Variants in TMC1 observed in about 807,000 individuals in gnomAD.
TMC1 encodes the protein transmembrane channel like 1, also known as transmembrane channel-like protein 1.
Under a neutral mutation model 105.8 loss-of-function variants are expected in TMC1, and 84 were observed. The observed-to-expected ratio is 0.79, with a 90% CI of 0.67 to 0.95. The LOEUF (loss-of-function observed/expected upper bound fraction) is 0.95. Among genes scored for constraint, TMC1 ranks in the 40% least tolerant of loss-of-function variants. TMC1 has a pLI of 0.00. For synonymous variants in TMC1, 315 were observed against 311.5 expected, an observed-to-expected ratio of 1.01 and a Z score of -0.12; for missense variants, 817 against 914.1, an observed-to-expected ratio of 0.89 and a Z score of 1.37.
chr9:72,709,986 C>G (rs1432632938), intron 8 of TMC1, among the ~76,000 whole-genome samples: 1 of 152,080 alleles, frequency 6.6e-6, no homozygotes, highest in Non-Finnish European at 1.5e-5. Flanking sequence ...TTGGTGTAGG[C>G]ATTTAATGCT....
At chr9:72,573,179 T>C (rs1424172826) in intron 1 of TMC1, among the ~76,000 whole-genome samples, 1 of 152,192 alleles carries the variant, frequency 6.6e-6, no homozygotes, top group Non-Finnish European at 1.5e-5. Flanking sequence ...GATATGTGCC[T>C]GGTCATAACC....
chr9:72,627,444 T>C (rs1825367497), intron 3 of TMC1, among the ~76,000 whole-genome samples: 1 of 152,102 alleles, frequency 6.6e-6, no homozygotes, highest in African/African-American at 2.4e-5. Flanking sequence ...CACAAGTAGA[T>C]CCCACTGCAG....
rs772213890 is a variant in TMC1, at chr9:72,772,550, C to T, written c.879C>T (p.Leu293=). ...MCIGYSFLVV[L]KAMTKNIGDD... ...TTGGATACAGCTTTCTGGTTGTCCT[C>T]AAAGCGTAAGTTTCATTTGTCTTTT... Residue 293 remains leucine, a synonymous_variant, in exon 13 of 24, where the codon CTC becomes CTT. Transcript: ENST00000297784. The T allele has an allele frequency of 1.9e-6, 3 of 1,613,750 alleles. No homozygotes were observed. In the South Asian group the frequency reaches 3.3e-5, roughly 18 times the overall value.
At chr9:72,814,972 A>G (rs374354082) in intron 18 of TMC1, among the ~76,000 whole-genome samples, 57 of 136,316 alleles carry the variant, frequency 4.2e-4, no homozygotes, top group African/African-American at 1.6e-3. Context: ...TTATGGGGAT[A>G]TGTGTGGTCT....
chr9:72,596,928 C>T (rs1335674466), intron 2 of TMC1, among the ~76,000 whole-genome samples: 1 of 152,192 alleles, frequency 6.6e-6, no homozygotes, highest in Non-Finnish European at 1.5e-5. Context: ...TAAGTATGTA[C>T]CATGAAACCT....
chr9:72,763,136 A>C, intron 12 of TMC1, among the ~76,000 whole-genome samples: 1 of 124,692 alleles, frequency 8.0e-6, no homozygotes, highest in Non-Finnish European at 1.6e-5. Context: ...AGTTTTCATC[A>C]CCTCCCTCAG....
At chr9:72,567,028 G>A (rs975163882) in intron 1 of TMC1, among the ~76,000 whole-genome samples, 5 of 152,150 alleles carry the variant, frequency 3.3e-5, no homozygotes, top group African/African-American at 1.2e-4. Flanking sequence ...TAGTGTGGGG[G>A]CAGATGTTCC....
chr9:72,737,461 G>A (rs1827319306), intron 8 of TMC1, among the ~76,000 whole-genome samples: 1 of 152,106 alleles, frequency 6.6e-6, no homozygotes, highest in Admixed American at 6.6e-5. Flanking sequence ...CCTATTAAAA[G>A]CCACACAGTT....
At chr9:72,805,898 A>T (rs1055677415) in intron 18 of TMC1, among the ~76,000 whole-genome samples, 1 of 152,216 alleles carries the variant, frequency 6.6e-6, no homozygotes, top group Non-Finnish European at 1.5e-5. Flanking sequence ...CGGCAGAAGA[A>T]GTTTTCTTAG....
chr9:72,554,444 C>T (rs1212306715), intron 1 of TMC1, among the ~76,000 whole-genome samples: 3 of 152,058 alleles, frequency 2.0e-5, no homozygotes, highest in Non-Finnish European at 2.9e-5. Flanking sequence ...GGTTATTTCT[C>T]GTCAAAAGAC....
intron 13 of TMC1, among the ~76,000 whole-genome samples, chr9:72,786,230 G>C (rs1432177053): frequency 6.6e-6 from 1 of 152,150 alleles, no homozygotes; most frequent in African/African-American, 2.4e-5. Context: ...TGGATCACGA[G>C]GCAGAATATC....
chr9:72,549,305 C>T (rs1050122384), intron 1 of TMC1, among the ~76,000 whole-genome samples: 3 of 152,106 alleles, frequency 2.0e-5, no homozygotes, highest in African/African-American at 7.2e-5. Context: ...CTATGTTGCC[C>T]AGGCTGGCCT....
intron 1 of TMC1, among the ~76,000 whole-genome samples, chr9:72,542,643 T>C (rs1162581043): frequency 6.6e-6 from 1 of 151,796 alleles, no homozygotes; most frequent in African/African-American, 2.4e-5. Context: ...CACTGACTCA[T>C]TGAGCAAGTC....
intron 5 of TMC1, among the ~76,000 whole-genome samples, chr9:72,649,210 G>GGC (rs1564467361): frequency 1.3e-5 from 2 of 152,194 alleles, no homozygotes; most frequent in Admixed American, 6.5e-5. Flanking sequence ...TGCTTGCTGT[G>GGC]ACTTGCCATA....
chr9:72,627,290 C>G (rs1361824504), intron 3 of TMC1, among the ~76,000 whole-genome samples: 2 of 152,148 alleles, frequency 1.3e-5, no homozygotes, highest in Non-Finnish European at 2.9e-5. Flanking sequence ...AATTCATTGG[C>G]TTGATTGTCA....
intron 8 of TMC1, among the ~76,000 whole-genome samples, chr9:72,704,163 G>A (rs1826693608): frequency 6.6e-6 from 1 of 152,018 alleles, no homozygotes; most frequent in South Asian, 2.1e-4. Flanking sequence ...TGTTTCTAAG[G>A]ATTATGTTAT....
intron 5 of TMC1, among the ~76,000 whole-genome samples, chr9:72,656,547 CTGT>C (rs1825887773): frequency 6.6e-6 from 1 of 152,070 alleles, no homozygotes; most frequent in East Asian, 1.9e-4. Context: ...AATTGTTTTA[CTGT>C]TGTTATCTGT....
At chr9:72,800,353 C>T (rs1828449254) in intron 17 of TMC1, among the ~76,000 whole-genome samples, 1 of 152,162 alleles carries the variant, frequency 6.6e-6, no homozygotes, top group Non-Finnish European at 1.5e-5. Flanking sequence ...TTCTCTTCTG[C>T]ACATCCTAGA....
intron 7 of TMC1, among the ~76,000 whole-genome samples, chr9:72,698,958 C>G (rs1588037693): frequency 6.6e-6 from 1 of 152,004 alleles, no homozygotes; most frequent in East Asian, 1.9e-4. Context: ...GAGAGGAAGC[C>G]ACAGGAAAGA....
Sources: gnomAD v4.1 joint callset for allele counts (sites outside exome capture counted in the v4.1 genomes callset) on GRCh38, gnomAD v4.1.1 for gene constraint, MANE v1.5 for transcripts, NCBI Gene and HGNC (gene_info 2026-07-23, HGNC 2026-07-21) for gene names.